The following ZNF830 variants were observed in gnomAD, a reference collection of about 807,000 sequenced individuals.
ZNF830 encodes the protein coiled-coil domain containing 16.
Under a neutral mutation model 28.1 loss-of-function variants are expected in ZNF830, and 15 were observed. That is an observed-to-expected ratio of 0.53 (90% confidence interval 0.36 to 0.82). ZNF830 has a LOEUF of 0.82. Among genes scored for constraint, ZNF830 ranks in the 40% least tolerant of loss-of-function variants. ZNF830 has a pLI of 0.01. For synonymous variants in ZNF830, 208 were observed against 185.3 expected, an observed-to-expected ratio of 1.12 and a Z score of -0.99; for missense variants, 456 against 467.7, an observed-to-expected ratio of 0.97 and a Z score of 0.23.
At position 34,961,774 on chromosome 17, in the gene ZNF830, G is replaced by A; in HGVS notation, c.208G>A (p.Val70Ile). The A allele has an allele frequency of 1.9e-6, 3 of 1,614,100 alleles. No homozygotes were observed. Among genetic ancestry groups the A allele is most frequent in the Non-Finnish European group, 2.5e-6 (3 of 1,180,024 alleles). ...GAGCGAGCTCCTGTGGCAGACTCAC[G>A]TCCTGGGAAAGCAGCACCGAGAGAA... ...VKSELLWQTHVLGKQHREKVA... is the reference protein window; with the variant it reads ...VKSELLWQTHILGKQHREKVA... The change falls in exon 1 of 1, where the codon GTC becomes ATC. Residue 70 changes from valine (V) to isoleucine (I), a missense_variant. Physicochemically the swap from Val to Ile is conservative, Grantham distance 29. Coordinates refer to ENST00000361952, the MANE Select transcript of ZNF830 (RefSeq NM_052857.4).
In ZNF830 at chr17:34,961,899, A is replaced by G; in HGVS notation, c.333A>G (p.Gln111=). 2 of 1,614,174 alleles carry G rather than the reference A, an allele frequency of 1.2e-6. No individual in the cohort carries two copies. The highest frequency in any genetic ancestry group is 1.7e-6 in the Non-Finnish European group (2 of 1,180,024). The change falls in exon 1 of 1, where the codon CAA becomes CAG. Residue 111 remains glutamine, a synonymous_variant. Coordinates refer to ENST00000361952, the MANE Select transcript of ZNF830 (RefSeq NM_052857.4). The part of the protein sequence containing the change: ...VKRKAPDADD[Q]DVKRAKATLV... The stretch of plus-strand genomic sequence containing the variant: ...GGAAAGCGCCGGACGCAGACGACCA[A>G]GATGTCAAGAGAGCGAAGGCCACCT...
Position 34,961,731 on chromosome 17 carries a change from G to A in ZNF830, c.165G>A (p.Leu55=), listed in dbSNP as rs752467261. Residue 55 remains leucine (L), a synonymous_variant, in exon 1 of 1, where the codon CTG becomes CTA. Coordinates refer to ENST00000361952, the MANE Select transcript of ZNF830 (RefSeq NM_052857.4). ...YNRLGQLSCA[L]CNTPVKSELL... ...GTTTGGGGCAGCTGAGTTGTGCCCT[G>A]TGTAACACTCCGGTTAAGAGCGAGC... The A allele has an allele frequency of 1.9e-6, 3 of 1,614,210 alleles. No individual in the cohort carries two copies.
At position 34,961,560 on chromosome 17, in the gene ZNF830, C is replaced by A. The variant is rs929362349; in HGVS notation, c.-7C>A. On this transcript the variant is annotated 5_prime_UTR_variant, in exon 1 of 1. Coordinates refer to ENST00000361952, the MANE Select transcript of ZNF830 (RefSeq NM_052857.4). ...AAACCAGAATCGTTTTGGGTCTGGT[C>A]GCCAAGATGGCGTCCTCCGCCTCCG... 9.9e-6 allele frequency: 16 copies of A among 1,612,320 alleles called. No homozygotes were observed. The South Asian group carries it at 1.2e-4, about 12-fold the overall frequency.
Position 34,962,614 on chromosome 17 carries a change from G to C in ZNF830, c.1048G>C (p.Asp350His). Reference protein sequence around the residue: ...ELQKKEEENADSDDEGELQDL... With the variant: ...ELQKKEEENAHSDDEGELQDL... The stretch of plus-strand genomic sequence containing the variant: ...GCAGAAAAAGGAAGAAGAGAATGCT[G>C]ACAGCGATGATGAGGGGGAACTACA... Residue 350 changes from aspartate to histidine, a missense_variant, in exon 1 of 1, where the codon GAC becomes CAC. Asp to His is a moderately conservative substitution (Grantham distance 81). Around this residue, in one of 2 missense-constraint regions of ZNF830, gnomAD observed 125 missense variants for 177.7 expected, o/e 0.70. Coordinates refer to ENST00000361952, the MANE Select transcript of ZNF830 (RefSeq NM_052857.4). 1 of 1,613,456 alleles carries C rather than the reference G, an allele frequency of 6.2e-7. No homozygotes were observed. Among genetic ancestry groups the C allele is most frequent in the South Asian group, 1.1e-5 (1 of 90,974 alleles).
chr17:34,961,793 G>A lies in ZNF830; in HGVS notation c.227G>A (p.Arg76Gln), dbSNP rs758184419. Residue 76 changes from arginine to glutamine, a missense_variant, in exon 1 of 1, where the codon CGA becomes CAA. By Grantham distance (43) the Arg-to-Gln change is conservative. Transcript: ENST00000361952. ...ACTCACGTCCTGGGAAAGCAGCACC[G>A]AGAGAAAGTGGCCGAGCTGAAAGGC... ...WQTHVLGKQH[R>Q]EKVAELKGAK... 5 of 1,614,032 alleles carry A rather than the reference G, an allele frequency of 3.1e-6. No homozygotes were observed. The highest frequency in any genetic ancestry group is 4.2e-6 in the Non-Finnish European group (5 of 1,180,024).
Position 34,961,543 on chromosome 17 carries a change from A to G in ZNF830, c.-24A>G, listed in dbSNP as rs2090419572. ...CATGCCTCGCCCGACGGAAACCAGA[A>G]TCGTTTTGGGTCTGGTCGCCAAGAT... On this transcript the variant is annotated 5_prime_UTR_variant, in exon 1 of 1. Coordinates refer to ENST00000361952, the MANE Select transcript of ZNF830 (RefSeq NM_052857.4). 2.5e-6 allele frequency: 4 copies of G among 1,607,940 alleles called. No homozygotes were observed. Among genetic ancestry groups the G allele is most frequent in the South Asian group, 2.2e-5 (2 of 90,486 alleles).
rs2090443286 is a variant in ZNF830, at chr17:34,963,743, G to A, written c.*1058G>A. 6.6e-6 allele frequency: 1 copy of A among 152,146 alleles called. No homozygotes were observed. Among genetic ancestry groups the A allele is most frequent in the Non-Finnish European group, 1.5e-5 (1 of 68,016 alleles). The allele number at this position is 152,146 out of a possible 1,614,324, so 9.4% of individuals were successfully genotyped here. A position where few individuals can be genotyped will look rare whatever the true frequency, so the allele number is the denominator to read the frequency against. On this transcript the variant is annotated 3_prime_UTR_variant, in exon 1 of 1. Transcript: ENST00000361952. ...GTGTTCTGGAGTTGAAATGCATACA[G>A]CATATTCAAATAAAAGTGAGCAATA...
rs371641319 is a variant in ZNF830 at position 34,961,593 on chromosome 17, T to C, written c.27T>C (p.Thr9=). 3.2e-5 allele frequency: 51 copies of C among 1,613,874 alleles called. No homozygotes were observed. Among genetic ancestry groups the C allele is most frequent in the Non-Finnish European group, 4.3e-5 (51 of 1,179,926 alleles). Residue 9 remains threonine (T), a synonymous_variant, in exon 1 of 1, where the codon ACT becomes ACC. Transcript: ENST00000361952. Reference sequence around the variant, plus strand: ...TGGCGTCCTCCGCCTCCGCCCGGACTCCGGCAGGGAAGCGAGTGATAAATC... The same window carrying C: ...TGGCGTCCTCCGCCTCCGCCCGGACCCCGGCAGGGAAGCGAGTGATAAATC... MASSASAR[T]PAGKRVINQE...
rs2090435434 is a variant in ZNF830 at position 34,962,858 on chromosome 17, A to G, written c.*173A>G. On this transcript the variant is annotated 3_prime_UTR_variant, in exon 1 of 1. Transcript: ENST00000361952. ...CAGCACTTTGGAAAATTTGTGTAAC[A>G]TGTTTTTGAGGTAAAGTTGTTTTTG... 9 of 1,215,800 alleles carry G rather than the reference A, an allele frequency of 7.4e-6. No individual in the cohort carries two copies. The highest frequency in any genetic ancestry group is 2.9e-4 in the Middle Eastern group (1 of 3,412). The allele number at this position is 1,215,800 out of a possible 1,614,324, so 75.3% of individuals were successfully genotyped here. A position where few individuals can be genotyped will look rare whatever the true frequency, so the allele number is the denominator to read the frequency against.
rs1383400244 is a variant in ZNF830, at chr17:34,962,664, G to GT, written c.1098_1099insT (p.Val367CysfsTer10). On this transcript the variant is annotated frameshift_variant, in exon 1 of 1. Transcript: ENST00000361952. LOFTEE classifies it high-confidence loss of function. ...AGGATTTGTTGTCTCAGGATTGGAG[G>GT]GTGAAAGGGGCATTGTTATAGGGTT... is the stretch of plus-strand genomic sequence containing the variant. 1 of 1,601,176 alleles carries GT rather than the reference G, an allele frequency of 6.2e-7. No homozygotes were observed. Among genetic ancestry groups the GT allele is most frequent in the Non-Finnish European group, 8.5e-7 (1 of 1,175,490 alleles).
Sources: allele counts gnomAD v4.1 joint callset, GRCh38; gene constraint gnomAD v4.1.1; regional missense constraint gnomAD v4.1.1; transcripts MANE v1.5; gene names NCBI Gene and HGNC (gene_info 2026-07-23, HGNC 2026-07-21).